STAU1: variants seen among roughly 807,000 people sequenced by gnomAD.
STAU1 encodes staufen double-stranded RNA binding protein 1.
Under a neutral mutation model 62.9 loss-of-function variants are expected in STAU1, and 13 were observed. The observed-to-expected ratio is 0.21, with a 90% confidence interval of 0.13 to 0.33. The LOEUF (loss-of-function observed/expected upper bound fraction) is 0.33, where lower values mean the gene tolerates loss of function less well. Ranked by LOEUF, STAU1 falls within the 10% of genes least tolerant of loss-of-function variation. The probability of loss-of-function intolerance (pLI) is 1.00; values close to 1 mark genes in which losing one functional copy is unlikely to be tolerated. For synonymous variants in STAU1, 269 were observed against 265.1 expected (o/e 1.01, Z -0.14); for missense variants, 571 against 712.1 (o/e 0.80, Z 2.25).
intron 5 of STAU1, 93 bp downstream of exon 5, chr20:49,151,489 T>C: frequency 7.8e-7 from 1 of 1,289,016 alleles, no homozygotes; most frequent in Non-Finnish European, 1.0e-6. Flanking sequence ...CAGCTGTCAA[T>C]GTGCCTTCTT....
chr20:49,158,858 G>A (rs1038415238), intron 3 of STAU1: 33 of 989,262 alleles, frequency 3.3e-5, no homozygotes, highest in African/African-American at 1.0e-4. Context: ...CCAGCAGATC[G>A]CGCCACTGCA....
chr20:49,176,602 T>C lies in STAU1; in HGVS notation c.-159-2333A>G, dbSNP rs146073622. On this transcript the variant is annotated intron_variant, in intron 1 of 13. Coordinates refer to ENST00000371856, the MANE Select transcript of STAU1 (RefSeq NM_017453.4). The stretch of plus-strand genomic sequence containing the variant: ...TCCAGAAATAAATCATGAGCTCTAG[T>C]TTATTTTCTGGTATTTTAACAGCTC... Among the ~76,000 whole-genome samples the C allele has an allele frequency of 2.9e-3, 447 of 152,310 alleles. 1 individual carries two copies. The highest frequency in any genetic ancestry group is 4.3e-3 in the Non-Finnish European group (292 of 68,028).
Position 49,124,599 on chromosome 20 carries a change from G to A in STAU1, c.610-12C>T. ...CTCTCCCGGGCCACCTGTTTCAGAG[G>A]GAAAGACTGAGTGAAAGCGGACAGA... On this transcript the variant is annotated splice_polypyrimidine_tract_variant and intron_variant, in intron 6 of 13. Coordinates refer to ENST00000371856, the MANE Select transcript of STAU1 (RefSeq NM_017453.4). 1 of 1,613,270 alleles carries A rather than the reference G, an allele frequency of 6.2e-7. No homozygotes were observed. The highest frequency in any genetic ancestry group is 8.5e-7 in the Non-Finnish European group (1 of 1,179,912).
At chr20:49,131,762 G>C (rs988080891) in intron 6 of STAU1, among the ~76,000 whole-genome samples, 2 of 151,218 alleles carry the variant, frequency 1.3e-5, no homozygotes, top group African/African-American at 4.9e-5. Flanking sequence ...AGAATTGCTT[G>C]AATCCAGGAG....
chr20:49,149,738 C>A (rs775465970), intron 5 of STAU1, among the ~76,000 whole-genome samples: 2 of 152,192 alleles, frequency 1.3e-5, no homozygotes, highest in South Asian at 2.1e-4. Flanking sequence ...GGAAACAGAT[C>A]ATCTGTTAGA....
the STAU1 span, among the ~76,000 whole-genome samples, chr20:49,195,922 A>G: frequency 2.3e-5 from 2 of 88,414 alleles, no homozygotes; most frequent in East Asian, 1.4e-3. Flanking sequence ...AAAAAAGAAA[A>G]AAGAAAAAAA....
intron 2 of STAU1, among the ~76,000 whole-genome samples, chr20:49,171,211 A>G (rs1313190924): frequency 6.6e-6 from 1 of 152,256 alleles, no homozygotes; most frequent in Non-Finnish European, 1.5e-5. Flanking sequence ...CAAGGAATAA[A>G]CCACTTTTTC....
At chr20:49,136,485 A>C (rs1001315446) in intron 5 of STAU1, among the ~76,000 whole-genome samples, 4 of 152,214 alleles carry the variant, frequency 2.6e-5, no homozygotes, top group Admixed American at 2.6e-4. Context: ...AACAATCCGC[A>C]CATAATAGAC....
chr20:49,167,637 G>A (rs1402080214), intron 2 of STAU1, among the ~76,000 whole-genome samples: 4 of 152,092 alleles, frequency 2.6e-5, no homozygotes, highest in African/African-American at 9.7e-5. Flanking sequence ...AAGACAAGTC[G>A]CCAGTGTCAA....
At chr20:49,217,714 G>A in the STAU1 span, among the ~76,000 whole-genome samples, 2 of 146,326 alleles carry the variant, frequency 1.4e-5, no homozygotes, top group Non-Finnish European at 3.0e-5. Context: ...AGGCGCAGTG[G>A]CTCATGCCTG....
intron 1 of STAU1, among the ~76,000 whole-genome samples, chr20:49,178,157 A>G (rs1382993461): frequency 6.6e-6 from 1 of 152,230 alleles, no homozygotes; most frequent in African/African-American, 2.4e-5. Context: ...AGCCTAGGCA[A>G]TGAAGCAAGA....
At position 49,128,817 on chromosome 20, in the gene STAU1, A is replaced by C. The variant is rs1446269571; in HGVS notation, c.610-4230T>G. Among the ~76,000 whole-genome samples the C allele has an allele frequency of 2.0e-5, 3 of 151,556 alleles. No homozygotes were observed. In the South Asian group the frequency reaches 6.2e-4, roughly 32 times the overall value. On this transcript the variant is annotated intron_variant, in intron 6 of 13. Transcript: ENST00000371856. Reference sequence around the variant, plus strand: ...AAGACAAAAACATCCCTTATGTCACAGTATATATGAAAACTAACTCGAAAT... The same window carrying C: ...AAGACAAAAACATCCCTTATGTCACCGTATATATGAAAACTAACTCGAAAT...
intron 5 of STAU1, among the ~76,000 whole-genome samples, chr20:49,144,827 A>AT (rs1038928976): frequency 6.6e-6 from 1 of 152,140 alleles, no homozygotes; most frequent in Admixed American, 6.5e-5. Flanking sequence ...TCATTCTTCC[A>AT]TTTTCTTATG....
intron 3 of STAU1, chr20:49,158,325 GT>G (rs1259855963): frequency 1.4e-6 from 1 of 705,954 alleles, no homozygotes; most frequent in Non-Finnish European, 2.1e-6. Context: ...TTCTTCTGAT[GT>G]AATCACTGAA....
chr20:49,136,023 G>C, intron 5 of STAU1, 92 bp from the exon 6 acceptor site: 1 of 957,838 alleles, frequency 1.0e-6, no homozygotes, highest in Non-Finnish European at 1.6e-6. Flanking sequence ...CACTTTGAAG[G>C]CTAAGGCAGG....
At chr20:49,184,565 A>G (rs1396125267) in intron 1 of STAU1, among the ~76,000 whole-genome samples, 1 of 152,170 alleles carries the variant, frequency 6.6e-6, no homozygotes, top group African/African-American at 2.4e-5. Flanking sequence ...TCTTGAAACA[A>G]CATTATTCAA....
the STAU1 span, among the ~76,000 whole-genome samples, chr20:49,195,564 T>A: frequency 0.091 from 4,951 of 54,538 alleles, 467 homozygotes; most frequent in East Asian, 0.29. Context: ...AAAAAAAAGA[T>A]AGCAACAGAC....
At chr20:49,114,946 A>C in intron 13 of STAU1, 53 bp from the exon 14 acceptor site, 1 of 1,565,586 alleles carries the variant, frequency 6.4e-7, no homozygotes, top group African/African-American at 1.4e-5. Context: ...AAGAGAATTA[A>C]AGTACTGTTA....
chr20:49,139,585 G>C (rs764507992), intron 5 of STAU1, among the ~76,000 whole-genome samples: 1 of 151,598 alleles, frequency 6.6e-6, no homozygotes, highest in East Asian at 2.0e-4. Context: ...AACTAGCCGG[G>C]TGTGGTAGCA....
Sources: gnomAD v4.1 joint callset for allele counts (sites outside exome capture counted in the v4.1 genomes callset) on GRCh38, gnomAD v4.1.1 for gene constraint, MANE v1.5 for transcripts, NCBI Gene and HGNC (gene_info 2026-07-23, HGNC 2026-07-21) for gene names.